ZNF512: variants seen among roughly 807,000 people sequenced by gnomAD.
The protein encoded by ZNF512 is zinc finger protein 512.
Under a neutral mutation model 77.5 loss-of-function variants are expected in ZNF512, and 25 were observed. The ratio of observed to expected loss-of-function variants is 0.32; its 90% CI spans 0.23 to 0.45. The LOEUF (loss-of-function observed/expected upper bound fraction) is 0.45, where lower values mean the gene tolerates loss of function less well. ZNF512 is among the 20% of genes least tolerant of loss of function. The pLI, the probability that ZNF512 is intolerant of heterozygous loss-of-function variation, is 1.00. For synonymous variants in ZNF512, 246 were observed against 239.9 expected (o/e 1.03, Z -0.24); for missense variants, 483 against 692.6 (o/e 0.70, Z 3.40).
Position 27,621,267 on chromosome 2 carries a change from C to A in ZNF512, c.1510C>A (p.Leu504Ile). 1 of 1,614,172 alleles carries A rather than the reference C, an allele frequency of 6.2e-7. No homozygotes were observed. The highest frequency in any genetic ancestry group is 8.5e-7 in the Non-Finnish European group (1 of 1,180,032). ...RRQQHRSRRSLRRRQQPGIEL... is the reference protein window; with the variant it reads ...RRQQHRSRRSIRRRQQPGIEL... ...GCAGCAGCACAGGAGCAGAAGGTCT[C>A]TAAGAAGGCGGCAGCAGCCTGGCAT... Residue 504 changes from leucine to isoleucine, a missense_variant, in exon 14 of 14, where the codon CTA becomes ATA. This residue lies in a region of ZNF512 where 324 missense variants were observed against 525.0 expected (regional missense o/e 0.62). Coordinates refer to ENST00000355467, the MANE Select transcript of ZNF512 (RefSeq NM_032434.4).
intron 9 of ZNF512, among the ~76,000 whole-genome samples, chr2:27,604,592 G>C (rs1672276003): frequency 6.6e-6 from 1 of 151,906 alleles, no homozygotes; most frequent in African/African-American, 2.4e-5. Context: ...ACTAGGTTGG[G>C]CTACATAGTG....
intron 10 of ZNF512, among the ~76,000 whole-genome samples, chr2:27,608,631 G>A (rs1313747616): frequency 1.3e-5 from 2 of 152,040 alleles, no homozygotes; most frequent in Admixed American, 1.3e-4. Context: ...ATAGATCATA[G>A]AAGAAGGGGC....
At chr2:27,589,037 T>A (rs1034318217) in intron 2 of ZNF512, among the ~76,000 whole-genome samples, 6 of 152,224 alleles carry the variant, frequency 3.9e-5, no homozygotes, top group Non-Finnish European at 8.8e-5. Flanking sequence ...AGTATATAAG[T>A]ATTCAGTTGA....
At chr2:27,591,689 G>A (rs999655668) in intron 2 of ZNF512, among the ~76,000 whole-genome samples, 11 of 152,188 alleles carry the variant, frequency 7.2e-5, no homozygotes, top group African/African-American at 2.2e-4. Context: ...GATTACAGGC[G>A]CGAGTCACCG....
intron 3 of ZNF512, among the ~76,000 whole-genome samples, chr2:27,598,735 A>G (rs536577140): frequency 6.6e-6 from 1 of 152,250 alleles, no homozygotes; most frequent in Admixed American, 6.5e-5. Flanking sequence ...TAGCTTCATG[A>G]ACTGCTATGT....
chr2:27,599,775 G>A (rs1403453454), intron 4 of ZNF512, 97 bp downstream of exon 4: 3 of 1,237,512 alleles, frequency 2.4e-6, no homozygotes, highest in East Asian at 4.9e-5. Context: ...GCCCTTCAGT[G>A]ACCTCTGAGC....
intron 2 of ZNF512, among the ~76,000 whole-genome samples, chr2:27,596,217 A>G (rs1671862960): frequency 6.6e-6 from 1 of 152,150 alleles, no homozygotes. Flanking sequence ...GGTGTTTCCA[A>G]TCTTATTTCA....
intron 2 of ZNF512, among the ~76,000 whole-genome samples, chr2:27,589,437 A>C (rs1229041121): frequency 6.6e-6 from 1 of 152,162 alleles, no homozygotes; most frequent in East Asian, 1.9e-4. Flanking sequence ...AATCTGCGGT[A>C]ACCCCTTTTT....
At chr2:27,587,659 T>TC (rs1671396393) in intron 2 of ZNF512, among the ~76,000 whole-genome samples, 1 of 151,658 alleles carries the variant, frequency 6.6e-6, no homozygotes, top group Admixed American at 6.6e-5. Context: ...ATCTTTTTTT[T>TC]TTTGCATCTG....
intron 2 of ZNF512, among the ~76,000 whole-genome samples, chr2:27,588,635 C>T (rs60558599): frequency 0.032 from 4,891 of 152,126 alleles, 270 homozygotes; most frequent in African/African-American, 0.11. Flanking sequence ...TTTATTTAGA[C>T]TCTTGAAATC....
rs1276273805 is a variant in ZNF512, at chr2:27,603,243, A to G, written c.872A>G (p.His291Arg). The change falls in exon 9 of 14, where the codon CAC (histidine) becomes CGC (arginine). Residue 291 changes from histidine (H) to arginine (R), a missense_variant. Coordinates refer to ENST00000355467, the MANE Select transcript of ZNF512 (RefSeq NM_032434.4). ...GAAAAGATGACCCTGAAATGTCACC[A>G]CTGTGGAAAACCATATAGGTCGAAG... ...ELEKMTLKCH[H>R]CGKPYRSKAG... is the part of the protein sequence containing the mutation. 1 of 1,614,188 alleles carries G rather than the reference A, an allele frequency of 6.2e-7. No homozygotes were observed. Among genetic ancestry groups the G allele is most frequent in the Non-Finnish European group, 8.5e-7 (1 of 1,180,018 alleles).
At chr2:27,610,478 GTA>G (rs746440291) in intron 10 of ZNF512, among the ~76,000 whole-genome samples, 49 of 127,498 alleles carry the variant, frequency 3.8e-4, no homozygotes, top group Middle Eastern at 4.5e-3. Context: ...GTGTATATGT[GTA>G]TATATATATA....
rs70953868 is a variant in ZNF512, at chr2:27,586,214, T to TTTGTTGTTGTTGTTG, written c.89+2517_89+2531dup. On this transcript the variant is annotated intron_variant, in intron 2 of 13. Coordinates refer to ENST00000355467, the MANE Select transcript of ZNF512 (RefSeq NM_032434.4). ...AATGGCCTGTTGGTACCATCAAGTC[T>TTTGTTGTTGTTGTTG]TTGTTGTTGTTGTTGTTGTTGTTGT... 9.0e-4 allele frequency among the ~76,000 whole-genome samples: 134 copies of TTTGTTGTTGTTGTTG among 149,560 alleles called. 2 individuals carry two copies. The highest frequency in any genetic ancestry group is 5.0e-3 in the East Asian group (25 of 5,030).
chr2:27,599,249 C>T (rs1404785660), intron 3 of ZNF512, among the ~76,000 whole-genome samples: 3 of 152,108 alleles, frequency 2.0e-5, no homozygotes, highest in Admixed American at 2.0e-4. Flanking sequence ...TCTCAAGGGT[C>T]CTTGGTGGCT....
intron 10 of ZNF512, 37 bp from the exon 11 acceptor site, chr2:27,615,131 G>T: frequency 7.5e-7 from 1 of 1,331,524 alleles, no homozygotes. Flanking sequence ...GTTGGGAGTT[G>T]TATTTATCTA....
At position 27,593,247 on chromosome 2, in the gene ZNF512, A is replaced by AC. The variant is rs1558465774; in HGVS notation, c.90-4820_90-4819insC. On this transcript the variant is annotated intron_variant, in intron 2 of 13. Transcript: ENST00000355467. ...ACACACACACACACACACACACACA[A>AC]AAGAATGAGCTGGGTACCGTGGCAC... Among the ~76,000 whole-genome samples the AC allele has an allele frequency of 6.5e-3, 898 of 137,410 alleles. 11 individuals are homozygous for AC. The highest frequency in any genetic ancestry group is 0.023 in the African/African-American group (819 of 34,886). 90.1% of individuals were successfully genotyped at this position (137,410 alleles called of 152,430 possible). A position where few individuals can be genotyped will look rare whatever the true frequency, so the allele number is the denominator to read the frequency against.
intron 13 of ZNF512, among the ~76,000 whole-genome samples, chr2:27,619,805 A>G (rs1673042809): frequency 6.6e-6 from 1 of 152,230 alleles, no homozygotes; most frequent in Non-Finnish European, 1.5e-5. Context: ...AATTCCACAT[A>G]AAATTTCAGC....
intron 10 of ZNF512, among the ~76,000 whole-genome samples, chr2:27,610,569 T>TATATATATACA (rs70953871): frequency 6.3e-5 from 1 of 15,812 alleles, no homozygotes; most frequent in African/African-American, 2.6e-4. Flanking sequence ...TATATATATA[T>TATATATATACA]TTTTTTTTTT....
At chr2:27,589,491 A>G (rs995013416) in intron 2 of ZNF512, among the ~76,000 whole-genome samples, 2 of 152,092 alleles carry the variant, frequency 1.3e-5, no homozygotes, top group Admixed American at 6.6e-5. Context: ...TTTGTAGATC[A>G]GTCTAAGTCT....
Sources: allele counts gnomAD v4.1 joint callset (sites outside exome capture counted in the v4.1 genomes callset), GRCh38; gene constraint gnomAD v4.1.1; regional missense constraint gnomAD v4.1.1; transcripts MANE v1.5; gene names NCBI Gene and HGNC (gene_info 2026-07-23, HGNC 2026-07-21).